Variants in UCP2 observed in about 807,000 individuals in gnomAD.
UCP2 encodes the protein dicarboxylate carrier SLC25A8.
UCP2 carries 27 observed loss-of-function variants against 31.3 expected under a neutral mutation model. That is an observed-to-expected ratio of 0.86 (90% CI 0.64 to 1.19). UCP2 has a LOEUF of 1.19. Among genes scored for constraint, UCP2 ranks in the 50% most tolerant of loss-of-function variants. The probability of loss-of-function intolerance (pLI) is 0.00; values close to 1 mark genes in which losing one functional copy is unlikely to be tolerated. For synonymous variants in UCP2, 142 were observed against 157.4 expected (o/e 0.90, Z 0.73); for missense variants, 377 against 413.5 (o/e 0.91, Z 0.76).
intron 5 of UCP2, 39 bp from the exon 6 acceptor site, chr11:73,976,781 CG>C: frequency 6.2e-7 from 1 of 1,614,112 alleles, no homozygotes; most frequent in Non-Finnish European, 8.5e-7. Flanking sequence ...ACCAGAGTAT[CG>C]GGGAGGAGGA....
chr11:73,982,845 G>GGGCTTCGCAGTGGGGCTTCGCAGTGT (rs530480759), upstream of UCP2: 1 of 152,300 alleles, frequency 6.6e-6, no homozygotes, highest in Non-Finnish European at 1.5e-5. Context: ...CTTCGCAGTG[G>GGGCTTCGCAGTGGGGCTTCGCAGTGT]GGCTCCGCGC....
In UCP2 at chr11:73,981,577, G is replaced by C. The variant is rs1951456122; in HGVS notation, c.-201C>G. 1 of 152,148 alleles carries C rather than the reference G, an allele frequency of 6.6e-6. No individual in the cohort carries two copies. Among genetic ancestry groups the C allele is most frequent in the Non-Finnish European group, 1.5e-5 (1 of 68,048 alleles). The allele number at this position is 152,148 out of a possible 1,614,324, so 9.4% of individuals were successfully genotyped here. A position where few individuals can be genotyped will look rare whatever the true frequency, so the allele number is the denominator to read the frequency against. ...GTGGCTATCATGGCCCGATCCCCTT[G>C]GTTTTCCATAGAAAATGGGTGGGAG... is the stretch of plus-strand genomic sequence containing the variant. On this transcript the variant is annotated 5_prime_UTR_variant, in exon 2 of 8. Transcript: ENST00000663595.
chr11:73,975,958 C>T (rs1294248964), intron 6 of UCP2, among the ~76,000 whole-genome samples: 2 of 152,078 alleles, frequency 1.3e-5, no homozygotes, highest in African/African-American at 4.8e-5. Context: ...CCCAGCTACT[C>T]AGGAGGCTGA....
rs1306397827 is a variant in UCP2 at position 73,981,650 on chromosome 11, CAG to C, written c.-256-20_-256-19del. On this transcript the variant is annotated intron_variant, in intron 1 of 7. Transcript: ENST00000663595. ...TATGTGTCCTGTGGGTGAGCAAAGGCAGAGAGTTTAGAAAGGGCCACCTGCCC... is the reference window on the plus strand; with the variant it reads ...TATGTGTCCTGTGGGTGAGCAAAGGCAGAGTTTAGAAAGGGCCACCTGCCC... 2 of 152,266 alleles carry C rather than the reference CAG, an allele frequency of 1.3e-5. No individual in the cohort carries two copies. Among genetic ancestry groups the C allele is most frequent in the African/African-American group, 4.8e-5 (2 of 41,424 alleles). 9.4% of individuals were successfully genotyped at this position (152,266 alleles called of 1,614,324 possible).
Position 73,974,894 on chromosome 11 carries a change from G to T in UCP2, c.*113C>A. 1.1e-6 allele frequency: 1 copy of T among 919,478 alleles called. No individual in the cohort carries two copies. Among genetic ancestry groups the T allele is most frequent in the Non-Finnish European group, 1.7e-6 (1 of 571,568 alleles). The allele number at this position is 919,478 out of a possible 1,614,324, so 57.0% of individuals were successfully genotyped here. A position where few individuals can be genotyped will look rare whatever the true frequency, so the allele number is the denominator to read the frequency against. On this transcript the variant is annotated 3_prime_UTR_variant, in exon 8 of 8. Transcript: ENST00000663595. ...AGGTAAAGGAGCGGAAGGAAGAGGT[G>T]GGGAAAGAGGGAAGGAGAGAAGGGA...
chr11:73,981,236 C>T (rs1351284220), intron 2 of UCP2: 1 of 152,188 alleles, frequency 6.6e-6, no homozygotes, highest in African/African-American at 2.4e-5. Flanking sequence ...ATCACTGTTA[C>T]ACGTGGGCCT....
intron 3 of UCP2, 37 bp from the exon 4 acceptor site, chr11:73,978,133 A>G: frequency 6.2e-7 from 1 of 1,613,900 alleles, no homozygotes; most frequent in Non-Finnish European, 8.5e-7. Context: ...AGGGATAAGC[A>G]TGTTGCCCTT....
At chr11:73,977,787 G>A in intron 4 of UCP2, 99 bp downstream of exon 4, 2 of 1,500,004 alleles carry the variant, frequency 1.3e-6, no homozygotes, top group Middle Eastern at 3.5e-4. Flanking sequence ...ATCTTCCTAG[G>A]GATCGTGGGG....
Position 73,974,775 on chromosome 11 carries a change from C to T in UCP2, c.*232G>A. The T allele has an allele frequency of 1.7e-6, 1 of 572,478 alleles. No individual in the cohort carries two copies. 35.5% of individuals were successfully genotyped at this position (572,478 alleles called of 1,614,324 possible). ...TTCCAAGGGACGGGACGCTTGGGATCCTGGCTGGTACGAGGCCTCCCACAC... is the reference window on the plus strand; with the variant it reads ...TTCCAAGGGACGGGACGCTTGGGATTCTGGCTGGTACGAGGCCTCCCACAC... On this transcript the variant is annotated 3_prime_UTR_variant, in exon 8 of 8. Coordinates refer to ENST00000663595, the MANE Select transcript of UCP2 (RefSeq NM_003355.3).
chr11:73,978,273 TA>T lies in UCP2; in HGVS notation c.105del (p.Asp35GlufsTer28). On this transcript the variant is annotated frameshift_variant, in exon 3 of 8. Coordinates refer to ENST00000663595, the MANE Select transcript of UCP2 (RefSeq NM_003355.3). LOFTEE classifies it high-confidence loss of function. ...CIADLITFPL[D>X]TAKVRLQIQG... ...CTCACCTGTAACCGGACTTTAGCAG[TA>T]TCCAGAGGAAAGGTGATGAGATCTG... 1 of 1,614,132 alleles carries T rather than the reference TA, an allele frequency of 6.2e-7. No homozygotes were observed. The highest frequency in any genetic ancestry group is 1.1e-5 in the South Asian group (1 of 91,084).
intron 1 of UCP2, among the ~76,000 whole-genome samples, chr11:73,982,172 C>G (rs1951468535): frequency 6.6e-6 from 1 of 152,084 alleles, no homozygotes; most frequent in Non-Finnish European, 1.5e-5. Context: ...GGCTCGGCAT[C>G]GTGGTGGAAA....
intron 4 of UCP2, 90 bp downstream of exon 4, chr11:73,977,796 G>T: frequency 6.5e-7 from 1 of 1,547,550 alleles, no homozygotes; most frequent in Non-Finnish European, 8.9e-7. Context: ...GGGATCGTGG[G>T]GCCTAAAAAA....
At chr11:73,978,731 T>G in intron 2 of UCP2, 1 of 357,616 alleles carries the variant, frequency 2.8e-6, no homozygotes, top group Non-Finnish European at 5.5e-6. Flanking sequence ...AGAGCTCTCC[T>G]AGCGCTGCCT....
At position 73,978,470 on chromosome 11, in the gene UCP2, G is replaced by A. The variant is rs1433812769; in HGVS notation, c.-92C>T. The A allele has an allele frequency of 4.5e-6, 7 of 1,568,422 alleles. No homozygotes were observed. In the African/African-American group the frequency reaches 5.4e-5, roughly 12 times the overall value. ...CAACAAGACGAGATAGAGGAACTCT[G>A]CCGGAATCTAAGCCAAGAGGAGAAA... is the stretch of plus-strand genomic sequence containing the variant. On this transcript the variant is annotated 5_prime_UTR_variant, in exon 3 of 8. Transcript: ENST00000663595.
chr11:73,981,678 C>T (rs561056016), intron 1 of UCP2, 46 bp from the exon 2 acceptor site: 1 of 152,494 alleles, frequency 6.6e-6, no homozygotes, highest in African/African-American at 2.4e-5. Context: ...CCACCTGCCC[C>T]AAGACACACA....
intron 2 of UCP2, 70 bp downstream of exon 2, chr11:73,981,406 G>C (rs1369745155): frequency 1.3e-5 from 2 of 152,206 alleles, no homozygotes; most frequent in African/African-American, 4.8e-5. Context: ...TTAATGCCCT[G>C]CTGACTCCTG....
At chr11:73,975,357 C>A in intron 7 of UCP2, 134 bp downstream of exon 7, 2 of 1,132,106 alleles carry the variant, frequency 1.8e-6, no homozygotes, top group Non-Finnish European at 1.3e-6. Context: ...TAGGTGAATG[C>A]TGGTGAAATG....
Position 73,974,917 on chromosome 11 carries a change from G to T in UCP2, c.*90C>A. On this transcript the variant is annotated 3_prime_UTR_variant, in exon 8 of 8. Coordinates refer to ENST00000663595, the MANE Select transcript of UCP2 (RefSeq NM_003355.3). ...GTGGGGAAAGAGGGAAGGAGAGAAG[G>T]GAAGGAGGGAAGAGAAAGAAGGAAG... 1.3e-6 allele frequency: 1 copy of T among 757,702 alleles called. No individual in the cohort carries two copies. 46.9% of individuals were successfully genotyped at this position (757,702 alleles called of 1,614,324 possible).
In UCP2 at chr11:73,977,926, C is replaced by T; in HGVS notation, c.297G>A (p.Leu99=). 1.2e-6 allele frequency: 2 copies of T among 1,614,084 alleles called. No homozygotes were observed. The highest frequency in any genetic ancestry group is 2.2e-5 in the East Asian group (1 of 44,882). ...QMSFASVRIG[L]YDSVKQFYTK... ...TGTAGAACTGTTTGACAGAATCATA[C>T]AGGCCGATGCGGACAGAGGCAAAGC... The change falls in exon 4 of 8, where the codon CTG becomes CTA. Residue 99 remains leucine, a synonymous_variant. Coordinates refer to ENST00000663595, the MANE Select transcript of UCP2 (RefSeq NM_003355.3).
Sources: gnomAD v4.1 joint callset for allele counts (sites outside exome capture counted in the v4.1 genomes callset) on GRCh38, gnomAD v4.1.1 for gene constraint, MANE v1.5 for transcripts, NCBI Gene and HGNC (gene_info 2026-07-23, HGNC 2026-07-21) for gene names.